UTY: variants seen among roughly 807,000 people sequenced by gnomAD.
UTY encodes histone demethylase UTY.
UTY carries 12 observed loss-of-function variants against 32.5 expected under a neutral mutation model. The observed-to-expected ratio is 0.37, with a 90% CI of 0.24 to 0.60. The LOEUF is 0.60. Ranked by LOEUF, UTY falls within the 20% of genes least tolerant of loss-of-function variation. The pLI is 0.69. For synonymous variants in UTY, 131 were observed against 103.4 expected, an observed-to-expected ratio of 1.27 and a Z score of -1.62; for missense variants, 303 against 299.2, an observed-to-expected ratio of 1.01 and a Z score of -0.09.
At chrY:13,379,571 G>C (rs2065763136) in intron 8 of UTY, among the ~76,000 whole-genome samples, 1 of 32,340 alleles carries the variant, frequency 3.1e-5, no homozygotes, top group Non-Finnish European at 7.5e-5. Context: ...AGGAACCAGT[G>C]CTGTCACAGG....
chrY:13,259,344 C>T, intron 28 of UTY, among the ~76,000 whole-genome samples: 1 of 33,900 alleles, frequency 2.9e-5, no homozygotes, highest in Non-Finnish European at 7.3e-5. Context: ...TCAGGGTCTC[C>T]CCAGCCGAGC....
At chrY:13,380,511 G>A (rs1017766837) in intron 8 of UTY, among the ~76,000 whole-genome samples, 1 of 32,141 alleles carries the variant, frequency 3.1e-5, no homozygotes, top group Non-Finnish European at 7.6e-5. Flanking sequence ...TACCTATAAC[G>A]GGAATTACAG....
In UTY at chrY:13,298,974, T is replaced by C; in HGVS notation, c.3851A>G (p.Asn1284Ser). The C allele has an allele frequency of 5.0e-6, 2 of 396,150 alleles. No individual in the cohort carries two copies. Among genetic ancestry groups the C allele is most frequent in the African/African-American group, 6.3e-5 (1 of 15,866 alleles). The change falls in exon 26 of 30, where the codon AAT becomes AGT. Residue 1284 changes from asparagine to serine, a missense_variant. Asn to Ser is a conservative substitution (Grantham distance 46). Coordinates refer to ENST00000545955, the MANE Select transcript of UTY (RefSeq NM_001258249.2). ...AVGWCNNIAW[N>S]VGPLTACQYK... ...CAGAATACCTGTAAGTGGACCAACA[T>C]TCCAGGCAATGTTATTGCACCAGCC...
At chrY:13,239,985 GA>G (rs2053883076) in intron 28 of UTY, among the ~76,000 whole-genome samples, 1 of 32,986 alleles carries the variant, frequency 3.0e-5, no homozygotes. Flanking sequence ...GAAAAGGAAA[GA>G]AATAGGAATA....
intron 5 of UTY, among the ~76,000 whole-genome samples, chrY:13,411,727 C>T (rs1034365747): frequency 3.0e-5 from 1 of 33,246 alleles, no homozygotes; most frequent in East Asian, 8.0e-4. Flanking sequence ...CTGGGCTCAA[C>T]GGATCCTCCT....
chrY:13,402,415 C>CT lies in UTY; in HGVS notation c.556-5444dup, dbSNP rs2069232707. Among the ~76,000 whole-genome samples, 10 of 33,748 alleles carry CT rather than the reference C, an allele frequency of 3.0e-4. No homozygotes were observed. In the South Asian group the frequency reaches 6.4e-3, roughly 22 times the overall value. The allele number at this position is 33,748 out of a possible 37,273, so 90.5% of individuals were successfully genotyped here. ...CCATGTTTGTGAAGACATGAATACTCTATTGCTGCAAAATATAGTTCTGTA... is the reference window on the plus strand; with the variant it reads ...CCATGTTTGTGAAGACATGAATACTCTTATTGCTGCAAAATATAGTTCTGTA... On this transcript the variant is annotated intron_variant, in intron 6 of 29. Coordinates refer to ENST00000545955, the MANE Select transcript of UTY (RefSeq NM_001258249.2).
chrY:13,271,326 A>T lies in UTY; in HGVS notation c.4011-10922T>A. On this transcript the variant is annotated intron_variant, in intron 27 of 29. Transcript: ENST00000545955. ...AATATTAGAATAAGGAAAAGTATTG[A>T]TTAGAAATAAAAATATCAAAATAAA... 8.9e-5 allele frequency among the ~76,000 whole-genome samples: 3 copies of T among 33,619 alleles called. No individual in the cohort carries two copies. In the South Asian group the frequency reaches 2.0e-3, roughly 22 times the overall value. 90.2% of individuals were successfully genotyped at this position (33,619 alleles called of 37,273 possible).
At chrY:13,382,985 A>G in intron 8 of UTY, among the ~76,000 whole-genome samples, 1 of 33,676 alleles carries the variant, frequency 3.0e-5, no homozygotes, top group African/African-American at 1.2e-4. Flanking sequence ...AATTTACAAC[A>G]CTGAATGCAT....
chrY:13,262,973 T>C (rs2055427773), intron 27 of UTY, among the ~76,000 whole-genome samples: 2 of 33,370 alleles, frequency 6.0e-5, no homozygotes, highest in East Asian at 1.5e-3. Context: ...CAGTTTTTAT[T>C]GTATTACTTT....
chrY:13,316,590 A>G (rs2059501363), intron 21 of UTY, among the ~76,000 whole-genome samples: 1 of 33,425 alleles, frequency 3.0e-5, no homozygotes, highest in Non-Finnish European at 7.4e-5. Context: ...TCTCCTTACC[A>G]TCAGAGCACT....
chrY:13,347,517 C>T (rs966060269), intron 17 of UTY, among the ~76,000 whole-genome samples: 44 of 31,805 alleles, frequency 1.4e-3, no homozygotes, highest in African/African-American at 5.4e-3. Context: ...GTCAGGAGAT[C>T]GAGACCATCC....
intron 20 of UTY, 106 bp from the exon 21 acceptor site, chrY:13,323,866 C>T: frequency 5.4e-6 from 1 of 183,748 alleles, no homozygotes; most frequent in South Asian, 4.8e-5. Context: ...AGGGCTCCAA[C>T]CATTTGGTAT....
intron 4 of UTY, among the ~76,000 whole-genome samples, chrY:13,427,059 A>C: frequency 2.9e-5 from 1 of 34,093 alleles, no homozygotes; most frequent in Non-Finnish European, 7.4e-5. Context: ...TGTAATGTCC[A>C]AGATTCAAAA....
chrY:13,338,736 T>C, intron 17 of UTY, among the ~76,000 whole-genome samples: 2 of 32,862 alleles, frequency 6.1e-5, no homozygotes, highest in Non-Finnish European at 7.5e-5. Context: ...GTAGTAGTAA[T>C]GGAAACTTTA....
At chrY:13,452,047 A>G (rs2076372699) in intron 3 of UTY, among the ~76,000 whole-genome samples, 1 of 33,793 alleles carries the variant, frequency 3.0e-5, no homozygotes, top group Non-Finnish European at 7.4e-5. Flanking sequence ...GCAGTAAGAG[A>G]CAGCAATACC....
chrY:13,351,799 T>C (rs2062422659), intron 17 of UTY, among the ~76,000 whole-genome samples: 1 of 33,847 alleles, frequency 3.0e-5, no homozygotes, highest in South Asian at 6.4e-4. Context: ...TAAACTTACA[T>C]GCACAGACTA....
At chrY:13,279,378 G>A (rs2056869948) in intron 27 of UTY, among the ~76,000 whole-genome samples, 1 of 33,308 alleles carries the variant, frequency 3.0e-5, no homozygotes, top group Non-Finnish European at 7.4e-5. Context: ...GATCCCCAGA[G>A]TAGCTGGGAT....
At chrY:13,297,218 T>C in intron 27 of UTY, among the ~76,000 whole-genome samples, 1 of 33,343 alleles carries the variant, frequency 3.0e-5, no homozygotes, top group Non-Finnish European at 7.4e-5. Context: ...CATACAGAGA[T>C]CATATGGCAA....
intron 4 of UTY, among the ~76,000 whole-genome samples, chrY:13,442,845 GAT>G (rs2075328586): frequency 6.0e-5 from 2 of 33,423 alleles, no homozygotes; most frequent in Admixed American, 2.7e-4. Flanking sequence ...TTCCCTGAAA[GAT>G]AGGAACAATC....
Sources: allele counts gnomAD v4.1 joint callset (sites outside exome capture counted in the v4.1 genomes callset), GRCh38; gene constraint gnomAD v4.1.1; transcripts MANE v1.5; gene names NCBI Gene and HGNC (gene_info 2026-07-23, HGNC 2026-07-21).